Variants in RTTN observed in about 807,000 individuals in gnomAD.
The protein encoded by RTTN is rotatin.
Under a neutral mutation model 269.2 loss-of-function variants are expected in RTTN, and 182 were observed. The observed-to-expected ratio is 0.68, with a 90% CI of 0.60 to 0.76. The LOEUF is 0.76. Among genes scored for constraint, RTTN ranks in the 30% least tolerant of loss-of-function variants. The pLI is 0.00. For synonymous variants in RTTN, 1,006 were observed against 963.5 expected (o/e 1.04, Z -0.82); for missense variants, 2,545 against 2,608.6 (o/e 0.98, Z 0.53).
chr18:70,184,731 T>TGTGTGG, intron 10 of RTTN, among the ~76,000 whole-genome samples: 1 of 85,988 alleles, frequency 1.2e-5, no homozygotes, highest in East Asian at 4.0e-4. Context: ...TGTGTGTGTG[T>TGTGTGG]GTGTGTGTGT....
intron 46 of RTTN, chr18:70,007,053 G>A (rs1234277210): frequency 6.6e-6 from 1 of 152,520 alleles, no homozygotes; most frequent in Non-Finnish European, 1.5e-5. Context: ...TTCCAACTGA[G>A]GTACCCAGCT....
intron 1 of RTTN, 31 bp from the exon 2 acceptor site, chr18:70,205,346 T>C (rs2062049963): frequency 6.2e-7 from 1 of 1,610,812 alleles, no homozygotes; most frequent in Admixed American, 1.7e-5. Context: ...ACTATTTTAT[T>C]TCCCGACTGC....
At chr18:70,139,261 A>G (rs1452258643) in intron 21 of RTTN, among the ~76,000 whole-genome samples, 2 of 152,142 alleles carry the variant, frequency 1.3e-5, no homozygotes, top group Non-Finnish European at 2.9e-5. Context: ...AAGAAAGACG[A>G]AAGAGATATT....
At chr18:70,204,724 G>T (rs1415273560) in intron 2 of RTTN, among the ~76,000 whole-genome samples, 1 of 152,168 alleles carries the variant, frequency 6.6e-6, no homozygotes, top group Non-Finnish European at 1.5e-5. Flanking sequence ...CAATCTAAAA[G>T]CATATGGGCA....
rs1362237891 is a variant in RTTN at position 70,003,503 on chromosome 18, T to C, written c.*648A>G. On this transcript the variant is annotated 3_prime_UTR_variant, in exon 49 of 49. Coordinates refer to ENST00000640769, the MANE Select transcript of RTTN (RefSeq NM_173630.4). ...TACATGTAATGATTTAAGAGTCATC[T>C]AGGAAGAAGATAACATCACTAAAAC... The C allele has an allele frequency of 6.6e-6, 1 of 152,254 alleles. No individual in the cohort carries two copies. Among genetic ancestry groups the C allele is most frequent in the African/African-American group, 2.4e-5 (1 of 41,464 alleles). 9.4% of individuals were successfully genotyped at this position (152,254 alleles called of 1,614,324 possible). A position where few individuals can be genotyped will look rare whatever the true frequency, so the allele number is the denominator to read the frequency against.
At chr18:70,184,889 A>C (rs60427603) in intron 10 of RTTN, among the ~76,000 whole-genome samples, 18,799 of 151,214 alleles carry the variant, frequency 0.12, 2,335 homozygotes, top group African/African-American at 0.32. Flanking sequence ...AGCGAGGACT[A>C]CATATCAGAA....
At position 70,205,529 on chromosome 18, in the gene RTTN, G is replaced by A. The variant is rs897621051; in HGVS notation, c.31+99C>T. ...ACAAAGCGGGGGTGAAAGAGGGAGC[G>A]GTCGCGGAGCGGCCGGCCGCGGAAA... On this transcript the variant is annotated intron_variant, in intron 1 of 48. Coordinates refer to ENST00000640769, the MANE Select transcript of RTTN (RefSeq NM_173630.4). 4 of 1,503,412 alleles carry A rather than the reference G, an allele frequency of 2.7e-6. No homozygotes were observed. The African/African-American group carries it at 4.1e-5, about 16-fold the overall frequency. 93.1% of individuals were successfully genotyped at this position (1,503,412 alleles called of 1,614,324 possible). A position where few individuals can be genotyped will look rare whatever the true frequency, so the allele number is the denominator to read the frequency against.
chr18:70,067,112 T>TTA (rs2058156491), intron 34 of RTTN, among the ~76,000 whole-genome samples: 1 of 152,084 alleles, frequency 6.6e-6, no homozygotes, highest in South Asian at 2.1e-4. Context: ...ATGCCTTATT[T>TTA]TATATAGTAT....
At chr18:70,048,274 T>TA (rs1307509863) in intron 39 of RTTN, 86 bp from the exon 40 acceptor site, 11 of 1,225,276 alleles carry the variant, frequency 9.0e-6, no homozygotes, top group Non-Finnish European at 1.3e-5. Context: ...AAAGTAACTA[T>TA]ACTCTGGATC....
At chr18:70,178,561 T>C (rs1293105752) in intron 10 of RTTN, among the ~76,000 whole-genome samples, 1 of 152,036 alleles carries the variant, frequency 6.6e-6, no homozygotes, top group African/African-American at 2.4e-5. Flanking sequence ...GCAAAAACTT[T>C]TGAGAGTAGA....
At chr18:70,184,652 T>C (rs963200150) in intron 10 of RTTN, among the ~76,000 whole-genome samples, 2 of 151,072 alleles carry the variant, frequency 1.3e-5, no homozygotes, top group African/African-American at 4.8e-5. Context: ...ATGTCAATTT[T>C]TCCTGAATTG....
At chr18:70,105,112 C>T (rs905090601) in intron 28 of RTTN, among the ~76,000 whole-genome samples, 1 of 152,194 alleles carries the variant, frequency 6.6e-6, no homozygotes, top group Non-Finnish European at 1.5e-5. Context: ...TCTACAGAGG[C>T]AGGCAGGCCT....
chr18:70,161,856 G>A (rs537720003), intron 14 of RTTN, among the ~76,000 whole-genome samples: 44 of 152,244 alleles, frequency 2.9e-4, no homozygotes, highest in African/African-American at 9.4e-4. Flanking sequence ...ACAGGTGTTG[G>A]CAAGGTTGGA....
chr18:70,150,241 C>A, intron 15 of RTTN, 154 bp from the exon 16 acceptor site: 1 of 614,144 alleles, frequency 1.6e-6, no homozygotes, highest in Non-Finnish European at 2.9e-6. Flanking sequence ...ATCTTACATT[C>A]TGTTCTGTTT....
chr18:70,072,151 T>C (rs2058312683), intron 34 of RTTN, among the ~76,000 whole-genome samples: 1 of 152,118 alleles, frequency 6.6e-6, no homozygotes, highest in Non-Finnish European at 1.5e-5. Context: ...ATATAACTAG[T>C]AGAATTAGGG....
rs1387859317 is a variant in RTTN at position 70,114,506 on chromosome 18, G to C, written c.3622C>G (p.Gln1208Glu). Residue 1208 changes from glutamine (Q) to glutamate (E), a missense_variant, in exon 27 of 49, where the codon CAG (glutamine) becomes GAG (glutamate). By Grantham distance (29) the Gln-to-Glu change is conservative (BLOSUM62 2). Coordinates refer to ENST00000640769, the MANE Select transcript of RTTN (RefSeq NM_173630.4). ...DIRTAVRQQL[Q>E]KELIALFDTL... ...TCAAAAAGAGCAATCAGTTCTTTCTGAAGTTGTTGCCTGACAGCAGTCCGG... is the reference window on the plus strand; with the variant it reads ...TCAAAAAGAGCAATCAGTTCTTTCTCAAGTTGTTGCCTGACAGCAGTCCGG... The C allele has an allele frequency of 3.7e-6, 6 of 1,613,536 alleles. No homozygotes were observed. In the Admixed American group the frequency reaches 1.0e-4, roughly 27 times the overall value.
intron 40 of RTTN, among the ~76,000 whole-genome samples, chr18:70,031,745 T>C (rs1427207449): frequency 6.7e-5 from 10 of 149,334 alleles, no homozygotes; most frequent in African/African-American, 2.5e-4. Context: ...ACTGAGGGAC[T>C]GGGACACCAG....
At chr18:70,051,033 A>G (rs538058242) in intron 39 of RTTN, among the ~76,000 whole-genome samples, 5 of 152,310 alleles carry the variant, frequency 3.3e-5, no homozygotes, top group South Asian at 2.1e-4. Context: ...ATGTATTCCT[A>G]TGTAAAAAAC....
At position 70,148,993 on chromosome 18, in the gene RTTN, A is replaced by G. The variant is rs1488096681; in HGVS notation, c.2217T>C (p.Leu739=). 1.2e-6 allele frequency: 2 copies of G among 1,613,434 alleles called. No individual in the cohort carries two copies. The highest frequency in any genetic ancestry group is 1.3e-5 in the African/African-American group (1 of 74,888). Residue 739 remains leucine, a synonymous_variant, in exon 17 of 49, where the codon CTT becomes CTC. Coordinates refer to ENST00000640769, the MANE Select transcript of RTTN (RefSeq NM_173630.4). ...CTGTGTCAGAACTTGCTTTGCTTAG[A>G]AGGAGAATGCAGTTACCCAGAGGAT... ...TEDPLGNCIL[L]LSKASSDTEE... is the part of the protein sequence containing the mutation.
Sources: gnomAD v4.1 joint callset for allele counts (sites outside exome capture counted in the v4.1 genomes callset) on GRCh38, gnomAD v4.1.1 for gene constraint, MANE v1.5 for transcripts, NCBI Gene and HGNC (gene_info 2026-07-23, HGNC 2026-07-21) for gene names.